Variants in PPP1R9A observed in about 807,000 individuals in gnomAD.
PPP1R9A encodes neurabin-1.
A neutral mutation model predicts 141.9 loss-of-function variants in PPP1R9A; 59 were observed. That is an observed-to-expected ratio of 0.42 (90% confidence interval 0.34 to 0.52). PPP1R9A has a LOEUF of 0.52. Among genes scored for constraint, PPP1R9A ranks in the 20% least tolerant of loss-of-function variants. PPP1R9A has a pLI of 0.10. For missense variants in PPP1R9A, 1,444 were observed against 1,611.9 expected (o/e 0.90, Z 1.78); for synonymous variants, 500 against 569.7 (o/e 0.88, Z 1.74).
chr7:95,171,391 A>G (rs1373280231), intron 5 of PPP1R9A, among the ~76,000 whole-genome samples: 5 of 151,646 alleles, frequency 3.3e-5, no homozygotes, highest in Non-Finnish European at 7.4e-5. Context: ...GTGTGGTTAT[A>G]TTGATATTAG....
chr7:94,945,362 T>A (rs923873362), intron 2 of PPP1R9A, among the ~76,000 whole-genome samples: 6 of 152,106 alleles, frequency 3.9e-5, no homozygotes, highest in African/African-American at 1.4e-4. Flanking sequence ...GGTTAGGTTA[T>A]CTGGATAATT....
intron 16 of PPP1R9A, among the ~76,000 whole-genome samples, chr7:95,277,785 G>T (rs557508968): frequency 7.9e-5 from 12 of 152,338 alleles, no homozygotes; most frequent in Middle Eastern, 3.4e-3. Context: ...ACATTTAGTT[G>T]TCAGAGCTTG....
intron 5 of PPP1R9A, among the ~76,000 whole-genome samples, chr7:95,187,977 T>C (rs1231567982): frequency 6.6e-6 from 1 of 152,186 alleles, no homozygotes; most frequent in Non-Finnish European, 1.5e-5. Context: ...ATGTATACTC[T>C]GCAGTTGTTG....
At chr7:95,062,406 A>G (rs190655735) in intron 2 of PPP1R9A, among the ~76,000 whole-genome samples, 11 of 151,472 alleles carry the variant, frequency 7.3e-5, no homozygotes, top group South Asian at 2.1e-4. Context: ...GTTCAGTTCC[A>G]TAGATTAGGG....
chr7:95,065,358 C>T (rs77386020), intron 2 of PPP1R9A, among the ~76,000 whole-genome samples: 3,287 of 152,192 alleles, frequency 0.022, 128 homozygotes, highest in African/African-American at 0.075. Flanking sequence ...AGCCACTGCA[C>T]CTCGCCCCAA....
At chr7:95,096,867 C>G (rs1017415206) in intron 2 of PPP1R9A, among the ~76,000 whole-genome samples, 3 of 152,072 alleles carry the variant, frequency 2.0e-5, no homozygotes, top group Non-Finnish European at 4.4e-5. Context: ...TCACGCTAAC[C>G]ATTGCAGGCT....
intron 2 of PPP1R9A, among the ~76,000 whole-genome samples, chr7:94,976,495 C>G (rs1307000429): frequency 6.6e-6 from 1 of 151,960 alleles, no homozygotes; most frequent in African/African-American, 2.4e-5. Flanking sequence ...CATGTGCCAC[C>G]ACGTCTGGCT....
At chr7:95,015,299 T>C (rs1445705197) in intron 2 of PPP1R9A, among the ~76,000 whole-genome samples, 1 of 151,990 alleles carries the variant, frequency 6.6e-6, no homozygotes, top group African/African-American at 2.4e-5. Context: ...TTGATCTATC[T>C]ATATTTAAAA....
At chr7:95,069,105 A>G (rs192865299) in intron 2 of PPP1R9A, among the ~76,000 whole-genome samples, 4 of 152,322 alleles carry the variant, frequency 2.6e-5, no homozygotes, top group Admixed American at 2.6e-4. Flanking sequence ...TTGTTTAAGG[A>G]ATAATGACAA....
At chr7:95,143,764 G>A (rs186326922) in intron 4 of PPP1R9A, among the ~76,000 whole-genome samples, 444 of 152,162 alleles carry the variant, frequency 2.9e-3, no homozygotes, top group Non-Finnish European at 5.1e-3. Flanking sequence ...TATAATAGAC[G>A]CAGGTCTGGT....
chr7:95,195,926 A>G (rs562307572), intron 5 of PPP1R9A, among the ~76,000 whole-genome samples: 1 of 152,100 alleles, frequency 6.6e-6, no homozygotes, highest in Non-Finnish European at 1.5e-5. Flanking sequence ...CATGGGGCAC[A>G]TGCTTGTTAG....
At chr7:94,961,514 C>G (rs1300968020) in intron 2 of PPP1R9A, among the ~76,000 whole-genome samples, 1 of 151,558 alleles carries the variant, frequency 6.6e-6, no homozygotes, top group African/African-American at 2.4e-5. Context: ...TGTGAGGTTC[C>G]TTATATGTAT....
Position 95,051,196 on chromosome 7 carries a change from C to T in PPP1R9A, c.1396-60063C>T, listed in dbSNP as rs112271251. 3.0e-4 allele frequency among the ~76,000 whole-genome samples: 44 copies of T among 147,038 alleles called. 2 individuals carry two copies. The highest frequency in any genetic ancestry group is 6.8e-4 in the Admixed American group (10 of 14,768). ...TTTATTGATTCTTTTTTTTTTCTTT[C>T]GAATAGGGATGTCCAGTTATTCCAG... On this transcript the variant is annotated intron_variant, in intron 2 of 19. Transcript: ENST00000433360.
intron 2 of PPP1R9A, among the ~76,000 whole-genome samples, chr7:95,026,342 C>T (rs1806833897): frequency 6.6e-6 from 1 of 151,496 alleles, no homozygotes; most frequent in African/African-American, 2.4e-5. Flanking sequence ...CTCTCTACTG[C>T]AGGTCTGCTG....
At chr7:95,170,480 T>C (rs1393646445) in intron 5 of PPP1R9A, among the ~76,000 whole-genome samples, 1 of 151,600 alleles carries the variant, frequency 6.6e-6, no homozygotes, top group Non-Finnish European at 1.5e-5. Context: ...AAGAAAATTA[T>C]AAAAGCATTC....
chr7:95,132,916 T>C (rs1425348183), intron 4 of PPP1R9A, among the ~76,000 whole-genome samples: 1 of 152,102 alleles, frequency 6.6e-6, no homozygotes, highest in Non-Finnish European at 1.5e-5. Context: ...AGTCCCAAGG[T>C]CTGAGATCCC....
chr7:95,252,272 T>C, intron 12 of PPP1R9A, 142 bp downstream of exon 12: 1 of 900,442 alleles, frequency 1.1e-6, no homozygotes, highest in Non-Finnish European at 1.5e-6. Flanking sequence ...AAAATAGGAG[T>C]CAATCATTTT....
intron 5 of PPP1R9A, among the ~76,000 whole-genome samples, chr7:95,191,969 TCA>T (rs1278335654): frequency 6.6e-6 from 1 of 152,114 alleles, no homozygotes; most frequent in Non-Finnish European, 1.5e-5. Context: ...ATTGATTTGG[TCA>T]CACATATTTA....
At position 95,115,767 on chromosome 7, in the gene PPP1R9A, A is replaced by G. The variant is rs1402467475; in HGVS notation, c.1528+4376A>G. On this transcript the variant is annotated intron_variant, in intron 3 of 19. Transcript: ENST00000433360. ...CTCATCTCTACTAAAAATAAAAAAA[A>G]TTAGCCCGGCGTGGTGGCACGTGCC... Among the ~76,000 whole-genome samples the G allele has an allele frequency of 3.9e-5, 6 of 151,920 alleles. No individual in the cohort carries two copies. The East Asian group carries it at 1.2e-3, about 29-fold the overall frequency.
Sources: allele counts gnomAD v4.1 joint callset (sites outside exome capture counted in the v4.1 genomes callset), GRCh38; gene constraint gnomAD v4.1.1; transcripts MANE v1.5; gene names NCBI Gene and HGNC (gene_info 2026-07-23, HGNC 2026-07-21).